CEP164: variants seen among roughly 807,000 people sequenced by gnomAD.
CEP164 encodes the protein centrosomal protein of 164 kDa.
CEP164 carries 162 observed loss-of-function variants against 182.7 expected under a neutral mutation model. That is an observed-to-expected ratio of 0.89 (90% confidence interval 0.78 to 1.01). CEP164 has a LOEUF of 1.01. Among genes scored for constraint, CEP164 ranks in the 50% least tolerant of loss-of-function variants. The pLI is 0.00. For synonymous variants in CEP164, 661 were observed against 690.0 expected (o/e 0.96, Z 0.66); for missense variants, 1,735 against 1,790.4 (o/e 0.97, Z 0.56).
rs1335546422 is a variant in CEP164, at chr11:117,392,550, C to T, written c.2416C>T (p.Gln806Ter). 1.9e-6 allele frequency: 3 copies of T among 1,614,180 alleles called. No homozygotes were observed. Among genetic ancestry groups the T allele is most frequent in the Admixed American group, 1.7e-5 (1 of 60,018 alleles). The change falls in exon 19 of 33, where the codon CAG becomes TAG. Residue 806 changes from glutamine (Q) to a stop codon, truncating the protein, a stop_gained. Coordinates refer to ENST00000278935, the MANE Select transcript of CEP164 (RefSeq NM_014956.5). LOFTEE classifies it high-confidence loss of function. ...GGAAGCTCAACAGAAAGAGGAGGCC[C>T]AGCTGCAGAAGTGCCTTGGGCAAGT... ...IQEAQQKEEA[Q>*]LQKCLGQVEH...
At chr11:117,366,177 A>G (rs1021396966) in intron 8 of CEP164, among the ~76,000 whole-genome samples, 4 of 151,968 alleles carry the variant, frequency 2.6e-5, no homozygotes, top group Middle Eastern at 3.4e-3. Flanking sequence ...GGGTTTCAGG[A>G]TAGCCAGTGC....
chr11:117,383,852 A>G (rs1367782493), intron 14 of CEP164, among the ~76,000 whole-genome samples: 1 of 152,210 alleles, frequency 6.6e-6, no homozygotes, highest in East Asian at 1.9e-4. Flanking sequence ...GCTGGCCAAC[A>G]TGGCGAAACC....
At chr11:117,398,622 C>T (rs748282155) in intron 27 of CEP164, among the ~76,000 whole-genome samples, 1 of 152,230 alleles carries the variant, frequency 6.6e-6, no homozygotes, top group Non-Finnish European at 1.5e-5. Flanking sequence ...GACCTTAGTT[C>T]TTGACTTCTG....
At chr11:117,371,710 T>G (rs1020375113) in intron 9 of CEP164, among the ~76,000 whole-genome samples, 8 of 152,052 alleles carry the variant, frequency 5.3e-5, no homozygotes, top group Admixed American at 5.2e-4. Flanking sequence ...GAGAAGAAAT[T>G]TGCTTTTCCA....
At chr11:117,374,384 A>G (rs2042525691) in intron 10 of CEP164, among the ~76,000 whole-genome samples, 1 of 152,178 alleles carries the variant, frequency 6.6e-6, no homozygotes, top group Non-Finnish European at 1.5e-5. Flanking sequence ...TAAGGGGAAT[A>G]GTTCAGGGTG....
At position 117,392,476 on chromosome 11, in the gene CEP164, G is replaced by T; in HGVS notation, c.2362-20G>T. 6.2e-7 allele frequency: 1 copy of T among 1,609,434 alleles called. No homozygotes were observed. Among genetic ancestry groups the T allele is most frequent in the Non-Finnish European group, 8.5e-7 (1 of 1,177,782 alleles). On this transcript the variant is annotated intron_variant, in intron 18 of 32. Coordinates refer to ENST00000278935, the MANE Select transcript of CEP164 (RefSeq NM_014956.5). ...CTGTCTGAGGGTCACACTCCCCTGT[G>T]TGTGCGGGGGCCTCCTCAGGTGGTC...
intron 3 of CEP164, among the ~76,000 whole-genome samples, chr11:117,342,148 A>G (rs912594005): frequency 2.6e-5 from 4 of 152,196 alleles, no homozygotes; most frequent in Admixed American, 6.5e-5. Context: ...TGTAAGCTCC[A>G]TAATGGCAGT....
intron 24 of CEP164, 90 bp downstream of exon 24, chr11:117,395,812 G>A: frequency 1.4e-6 from 2 of 1,438,332 alleles, no homozygotes; most frequent in Non-Finnish European, 1.9e-6. Context: ...AGTTAATAGG[G>A]AGAGGTGGAG....
chr11:117,338,484 G>A, intron 2 of CEP164, 82 bp from the exon 3 acceptor site: 1 of 985,782 alleles, frequency 1.0e-6, no homozygotes, highest in Non-Finnish European at 1.6e-6. Flanking sequence ...TGACCCAGAT[G>A]CTCCATGACC....
chr11:117,360,046 G>A (rs1305544253), intron 5 of CEP164, among the ~76,000 whole-genome samples: 2 of 152,202 alleles, frequency 1.3e-5, no homozygotes, highest in African/African-American at 4.8e-5. Flanking sequence ...ACTGCCCTTC[G>A]GCAAGGCTCC....
At chr11:117,353,636 C>T (rs1281918387) in intron 5 of CEP164, among the ~76,000 whole-genome samples, 1 of 152,096 alleles carries the variant, frequency 6.6e-6, no homozygotes, top group East Asian at 1.9e-4. Context: ...ATGGGACAGC[C>T]CTGGGCTGTC....
At chr11:117,392,401 G>C in intron 18 of CEP164, 95 bp from the exon 19 acceptor site, 1 of 1,566,164 alleles carries the variant, frequency 6.4e-7, no homozygotes, top group South Asian at 1.2e-5. Flanking sequence ...CAGCCCTGGG[G>C]GATGGATGCC....
chr11:117,392,607 G>A lies in CEP164; in HGVS notation c.2473G>A (p.Val825Met), dbSNP rs373870559. The A allele has an allele frequency of 9.3e-6, 15 of 1,613,986 alleles. No individual in the cohort carries two copies. Among genetic ancestry groups the A allele is most frequent in the South Asian group, 7.7e-5 (7 of 91,080 alleles). The part of the protein sequence containing the change: ...EHRVHQKSYH[V>M]AGYEHELSSL... ...CAGAGTTCACCAGAAGTCTTATCAC[G>A]TGGCTGGGTATGAGCACGAGGTGAG... is the stretch of plus-strand genomic sequence containing the variant. Residue 825 changes from valine to methionine, a missense_variant, in exon 19 of 33, where the codon GTG (valine) becomes ATG (methionine). By Grantham distance (21) the Val-to-Met change is conservative (BLOSUM62 1). Transcript: ENST00000278935.
rs190673622 is a variant in CEP164, at chr11:117,371,692, G to A, written c.1152+226G>A. ...TGAAGCTGCAGACCTGCTGGCACTC[G>A]AAATTGAGAGAAGAAATTTGCTTTT... On this transcript the variant is annotated intron_variant, in intron 9 of 32. Transcript: ENST00000278935. Among the ~76,000 whole-genome samples, 24 of 152,222 alleles carry A rather than the reference G, an allele frequency of 1.6e-4. No homozygotes were observed. In the East Asian group the frequency reaches 4.2e-3, roughly 27 times the overall value.
At chr11:117,339,533 T>G (rs1451319628) in intron 3 of CEP164, among the ~76,000 whole-genome samples, 17 of 130,406 alleles carry the variant, frequency 1.3e-4, no homozygotes, top group African/African-American at 2.3e-4. Flanking sequence ...TTTTTTTTTT[T>G]TTTTTTTTTT....
At chr11:117,381,376 T>A (rs532936243) in intron 12 of CEP164, among the ~76,000 whole-genome samples, 5 of 152,312 alleles carry the variant, frequency 3.3e-5, no homozygotes, top group African/African-American at 1.2e-4. Context: ...CACCCCTCCC[T>A]GGCCCCAGTG....
chr11:117,399,034 A>C (rs2045848017), intron 27 of CEP164, among the ~76,000 whole-genome samples: 1 of 152,056 alleles, frequency 6.6e-6, no homozygotes, highest in Non-Finnish European at 1.5e-5. Context: ...TGTGCAGACC[A>C]TGCAGGTTTG....
At chr11:117,356,428 G>A in intron 5 of CEP164, 3 of 1,242,234 alleles carry the variant, frequency 2.4e-6, no homozygotes, top group Middle Eastern at 3.3e-4. Flanking sequence ...AGAGGGACTC[G>A]AGGTTTCTGT....
intron 5 of CEP164, chr11:117,356,270 A>G: frequency 9.1e-7 from 1 of 1,102,044 alleles, no homozygotes; most frequent in Non-Finnish European, 1.1e-6. Context: ...GCAGATGGTC[A>G]AGATCTCCAG....
Sources: gnomAD v4.1 joint callset for allele counts (sites outside exome capture counted in the v4.1 genomes callset) on GRCh38, gnomAD v4.1.1 for gene constraint, MANE v1.5 for transcripts, NCBI Gene and HGNC (gene_info 2026-07-23, HGNC 2026-07-21) for gene names.